Variants in UNC13A observed in about 807,000 individuals in gnomAD.
The protein encoded by UNC13A is protein unc-13 homolog A.
Under a neutral mutation model 219.7 loss-of-function variants are expected in UNC13A, and 61 were observed. That is an observed-to-expected ratio of 0.28 (90% CI 0.23 to 0.34). UNC13A has a LOEUF of 0.34. Among genes scored for constraint, UNC13A ranks in the 10% least tolerant of loss-of-function variants. The pLI is 1.00. For missense variants in UNC13A, 1,476 were observed against 2,270.3 expected, an observed-to-expected ratio of 0.65 and a Z score of 7.11; for synonymous variants, 920 against 884.6, an observed-to-expected ratio of 1.04 and a Z score of -0.71.
At chr19:17,626,570 T>C in intron 34 of UNC13A, 63 bp downstream of exon 34, 1 of 1,454,234 alleles carries the variant, frequency 6.9e-7, no homozygotes, top group East Asian at 2.5e-5. Context: ...AGCCAGTCCC[T>C]GGGTCTCTAT....
intron 36 of UNC13A, 27 bp downstream of exon 36, chr19:17,623,515 C>A: frequency 1.3e-6 from 2 of 1,520,646 alleles, no homozygotes; most frequent in Admixed American, 1.9e-5. Context: ...GACGGACAGA[C>A]AGACGGACAG....
rs780938224 is a variant in UNC13A at position 17,629,286 on chromosome 19, A to G, written c.3707T>C (p.Ile1236Thr). ...SNVLLQYADI[I>T]SKDFASYCSK... ...GCAGTAGGAGGCAAAGTCCTTGGAG[A>G]TGATGTCTGCATACTGGAGGAGCAC... The change falls in exon 31 of 44, where the codon ATC (isoleucine) becomes ACC (threonine). Residue 1236 changes from isoleucine to threonine, a missense_variant. Ile to Thr is a moderately conservative substitution (Grantham distance 89, BLOSUM62 -1). Transcript: ENST00000519716. 193 of 1,612,480 alleles carry G rather than the reference A, an allele frequency of 1.2e-4. No homozygotes were observed. Among genetic ancestry groups the G allele is most frequent in the Non-Finnish European group, 1.6e-4 (192 of 1,179,418 alleles).
At chr19:17,642,422 C>T (rs527817167) in intron 20 of UNC13A, among the ~76,000 whole-genome samples, 1 of 152,344 alleles carries the variant, frequency 6.6e-6, no homozygotes, top group Non-Finnish European at 1.5e-5. Flanking sequence ...ACCCATCTCT[C>T]CATCCATCCT....
chr19:17,668,144 C>G lies in UNC13A; in HGVS notation c.441G>C (p.Gln147His), dbSNP rs368359678. 3 of 1,613,744 alleles carry G rather than the reference C, an allele frequency of 1.9e-6. No individual in the cohort carries two copies. Among genetic ancestry groups the G allele is most frequent in the African/African-American group, 2.7e-5 (2 of 74,906 alleles). The change falls in exon 6 of 44, where the codon CAG becomes CAC. Residue 147 changes from glutamine to histidine, a missense_variant. By Grantham distance (24) the Gln-to-His change is conservative. This residue lies in a region of UNC13A where 203 missense variants were observed against 301.6 expected (regional missense o/e 0.67). Coordinates refer to ENST00000519716, the MANE Select transcript of UNC13A (RefSeq NM_001080421.3). ...CATCCTGGTCCCGCATAGCATTGAG[C>G]TGCTCCAGCTTCTTGGCCCAGTAGC... is the stretch of plus-strand genomic sequence containing the variant. ...EARYWAKKLE[Q>H]LNAMRDQDEY...
At chr19:17,638,790 C>T (rs1389750221) in intron 25 of UNC13A, among the ~76,000 whole-genome samples, 2 of 152,042 alleles carry the variant, frequency 1.3e-5, no homozygotes, top group Admixed American at 6.6e-5. Flanking sequence ...GATCACACCA[C>T]TGCACTCCAG....
intron 26 of UNC13A, among the ~76,000 whole-genome samples, chr19:17,634,340 T>C (rs775291545): frequency 1.3e-5 from 2 of 152,018 alleles, no homozygotes; most frequent in Non-Finnish European, 2.9e-5. Flanking sequence ...ATCCATCCAT[T>C]CCTTTTTTTT....
intron 4 of UNC13A, among the ~76,000 whole-genome samples, chr19:17,670,422 G>T (rs1030432914): frequency 3.4e-5 from 5 of 148,954 alleles, no homozygotes; most frequent in Admixed American, 3.4e-4. Context: ...TTGTATTTTT[G>T]AGTAGAGACG....
At chr19:17,630,404 G>A in intron 29 of UNC13A, 116 bp from the exon 30 acceptor site, 1 of 1,470,606 alleles carries the variant, frequency 6.8e-7, no homozygotes, top group Non-Finnish European at 9.1e-7. Flanking sequence ...GGGGTGAGAT[G>A]GACAGAGGGC....
At chr19:17,647,178 G>T (rs1264436107) in intron 17 of UNC13A, 87 bp downstream of exon 17, 1 of 1,278,190 alleles carries the variant, frequency 7.8e-7, no homozygotes, top group Non-Finnish European at 1.1e-6. Context: ...CGCTGCAAAG[G>T]AGAGGGACCA....
intron 17 of UNC13A, 54 bp downstream of exon 17, chr19:17,647,211 C>T: frequency 6.7e-7 from 1 of 1,489,486 alleles, no homozygotes; most frequent in Admixed American, 2.0e-5. Flanking sequence ...GGGCATGAGA[C>T]AGGTCTCAGA....
In UNC13A at chr19:17,660,574, C is replaced by T. The variant is rs966413409; in HGVS notation, c.560-2305G>A. On this transcript the variant is annotated intron_variant, in intron 8 of 43. Transcript: ENST00000519716. ...TGAGACAGAGTCTCGCTCTGTCACC[C>T]AGGCTGGAGTGCAATGGTACGATCT... Among the ~76,000 whole-genome samples, 4 of 151,094 alleles carry T rather than the reference C, an allele frequency of 2.6e-5. 1 individual carries two copies. The highest frequency in any genetic ancestry group is 5.9e-5 in the Non-Finnish European group (4 of 67,776).
chr19:17,645,820 C>A lies in UNC13A; in HGVS notation c.2210G>T (p.Arg737Leu). ...CTCGTCCCAGACGCGCACCTTGATG[C>A]GGTCGGAGGAATTGTGACATTCACT... ...FHFECHNSSDRIKVRVWDEDD... is the reference protein window; with the variant it reads ...FHFECHNSSDLIKVRVWDEDD... Residue 737 changes from arginine to leucine, a missense_variant, in exon 19 of 44, where the codon CGC (arginine) becomes CTC (leucine). This residue lies in a region of UNC13A where 66 missense variants were observed against 224.3 expected (regional missense o/e 0.29). Transcript: ENST00000519716. 1 of 1,611,232 alleles carries A rather than the reference C, an allele frequency of 6.2e-7. No homozygotes were observed. The highest frequency in any genetic ancestry group is 8.5e-7 in the Non-Finnish European group (1 of 1,178,694).
intron 4 of UNC13A, among the ~76,000 whole-genome samples, chr19:17,671,577 C>A (rs933145469): frequency 6.6e-6 from 1 of 151,804 alleles, no homozygotes; most frequent in Non-Finnish European, 1.5e-5. Context: ...TCGAAACCAG[C>A]CTGGGCAACA....
chr19:17,618,261 C>T (rs2076689742), intron 40 of UNC13A, among the ~76,000 whole-genome samples, 160 bp downstream of exon 40: 2 of 152,348 alleles, frequency 1.3e-5, no homozygotes, highest in South Asian at 4.1e-4. Flanking sequence ...CCTTAAGGCT[C>T]CAGCATTAGC....
At position 17,629,246 on chromosome 19, in the gene UNC13A, C is replaced by T; in HGVS notation, c.3747G>A (p.Glu1249=). 6.2e-7 allele frequency: 1 copy of T among 1,609,260 alleles called. No individual in the cohort carries two copies. ...AGGGGCCCCCTCAGGTCACCACTTT[C>T]TCCTTCTCCTTGGAGCAGTAGGAGG... is the stretch of plus-strand genomic sequence containing the variant. ...DFASYCSKEK[E]KVPCILMNNT... The change falls in exon 31 of 44, where the codon GAG becomes GAA. Residue 1249 remains glutamate, a synonymous_variant. Coordinates refer to ENST00000519716, the MANE Select transcript of UNC13A (RefSeq NM_001080421.3).
chr19:17,621,889 A>G lies in UNC13A; in HGVS notation c.4204-19T>C. The G allele has an allele frequency of 4.3e-6, 7 of 1,613,920 alleles. No homozygotes were observed. The highest frequency in any genetic ancestry group is 5.9e-6 in the Non-Finnish European group (7 of 1,179,842). On this transcript the variant is annotated intron_variant, in intron 36 of 43. Transcript: ENST00000519716. ...GGTTCCCCTGCAGAGATAATGTCAC[A>G]GGGTGATCAACCTGGCAAGTCGTGC...
At chr19:17,666,554 C>G (rs929106266) in intron 7 of UNC13A, 96 bp downstream of exon 7, 38 of 954,134 alleles carry the variant, frequency 4.0e-5, no homozygotes, top group Non-Finnish European at 5.1e-5. Context: ...GGACTTGTAT[C>G]TCCGGACTGG....
In UNC13A at chr19:17,647,379, G is replaced by A; in HGVS notation, c.1930C>T (p.Leu644Phe). 1.2e-6 allele frequency: 2 copies of A among 1,613,716 alleles called. No individual in the cohort carries two copies. Among genetic ancestry groups the A allele is most frequent in the Non-Finnish European group, 1.7e-6 (2 of 1,179,822 alleles). The change falls in exon 17 of 44, where the codon CTC becomes TTC. Residue 644 changes from leucine (L) to phenylalanine (F), a missense_variant. Coordinates refer to ENST00000519716, the MANE Select transcript of UNC13A (RefSeq NM_001080421.3). Reference sequence around the variant, plus strand: ...GTCACCGCGAAGATCTCCTGGATGAGCTCGAAGATCTCGGGCTTGTTGCGC... The same window carrying A: ...GTCACCGCGAAGATCTCCTGGATGAACTCGAAGATCTCGGGCTTGTTGCGC... ...RERNKPEIFELIQEIFAVTKT... is the reference protein window; with the variant it reads ...RERNKPEIFEFIQEIFAVTKT...
At chr19:17,665,016 A>C (rs1245736869) in intron 7 of UNC13A, among the ~76,000 whole-genome samples, 1 of 152,174 alleles carries the variant, frequency 6.6e-6, no homozygotes, top group Non-Finnish European at 1.5e-5. Flanking sequence ...CCTGGCCAAC[A>C]TGGCAAAACC....
Sources: gnomAD v4.1 joint callset for allele counts (sites outside exome capture counted in the v4.1 genomes callset) on GRCh38, gnomAD v4.1.1 for gene constraint, gnomAD v4.1.1 regional missense constraint, MANE v1.5 for transcripts, NCBI Gene and HGNC (gene_info 2026-07-23, HGNC 2026-07-21) for gene names.